DNAH1: variants seen among roughly 807,000 people sequenced by gnomAD.
The protein encoded by DNAH1 is axonemal beta dynein heavy chain 1.
Under a neutral mutation model 484.3 loss-of-function variants are expected in DNAH1, and 327 were observed. The observed-to-expected ratio is 0.68, with a 90% CI of 0.62 to 0.74. The LOEUF is 0.74. DNAH1 is among the 30% of genes least tolerant of loss of function. The probability of loss-of-function intolerance (pLI) is 0.00; values close to 1 mark genes in which losing one functional copy is unlikely to be tolerated. For synonymous variants in DNAH1, 2,192 were observed against 2,191.9 expected, an observed-to-expected ratio of 1.00 and a Z score of 0.00; for missense variants, 5,052 against 5,546.8, an observed-to-expected ratio of 0.91 and a Z score of 2.83.
At position 52,382,486 on chromosome 3, in the gene DNAH1, G is replaced by C; in HGVS notation, c.7941+31G>C. On this transcript the variant is annotated intron_variant, in intron 50 of 77. Coordinates refer to ENST00000420323, the MANE Select transcript of DNAH1 (RefSeq NM_015512.5). ...ACTGCCACAGCAGAGGGCAGGGCTC[G>C]GGGGGGCTGGACACAACCCCATCTG... 3 of 1,609,962 alleles carry C rather than the reference G, an allele frequency of 1.9e-6. No individual in the cohort carries two copies. The South Asian group carries it at 3.3e-5, about 18-fold the overall frequency.
rs1030567335 is a variant in DNAH1, at chr3:52,372,485, G to T, written c.6827+98G>T. The T allele has an allele frequency of 5.3e-6, 8 of 1,504,158 alleles. No individual in the cohort carries two copies. The Admixed American group carries it at 1.5e-4, about 29-fold the overall frequency. The allele number at this position is 1,504,158 out of a possible 1,614,324, so 93.2% of individuals were successfully genotyped here. ...TCCACCAAATTATGCTCCTGGGTTT[G>T]CCAGGAACCTCCCAGGGGGAGCTGA... On this transcript the variant is annotated intron_variant, in intron 43 of 77. Transcript: ENST00000420323.
Position 52,370,736 on chromosome 3 carries a change from G to C in DNAH1, c.6436G>C (p.Glu2146Gln), listed in dbSNP as rs946605027. The part of the protein sequence containing the change: ...ENEQLTLLFP[E>Q]EGLVFDYRLE... ...CCGGCAGCTGACTCTGCTTTTCCCA[G>C]AAGAGGGGCTGGTGTTCGATTACAG... The change falls in exon 41 of 78, where the codon GAA becomes CAA. Residue 2146 changes from glutamate to glutamine, a missense_variant. Around this residue, in one of 4 missense-constraint regions of DNAH1, gnomAD observed 2,929 missense variants for 3,409.4 expected, o/e 0.86. Coordinates refer to ENST00000420323, the MANE Select transcript of DNAH1 (RefSeq NM_015512.5). 5.6e-6 allele frequency: 9 copies of C among 1,604,800 alleles called. No homozygotes were observed. Among genetic ancestry groups the C allele is most frequent in the Non-Finnish European group, 6.8e-6 (8 of 1,176,082 alleles).
At position 52,368,038 on chromosome 3, in the gene DNAH1, G is replaced by A. The variant is rs961946778; in HGVS notation, c.5766-703G>A. Among the ~76,000 whole-genome samples the A allele has an allele frequency of 1.3e-5, 2 of 152,294 alleles. No homozygotes were observed. The highest frequency in any genetic ancestry group is 4.8e-5 in the African/African-American group (2 of 41,548). The stretch of plus-strand genomic sequence containing the variant: ...CAAGGGGCAGGGTGAGCATCAGTGG[G>A]TGGAAAATCCAGAGGAAACATCAGT... On this transcript the variant is annotated intron_variant, in intron 36 of 77. Coordinates refer to ENST00000420323, the MANE Select transcript of DNAH1 (RefSeq NM_015512.5). The surrounding 1 kb of genome is among the most constrained non-coding windows in gnomAD (Gnocchi z 4.4).
Position 52,353,037 on chromosome 3 carries a change from G to A in DNAH1, c.3028-66G>A, listed in dbSNP as rs1702458978. 20 of 1,495,532 alleles carry A rather than the reference G, an allele frequency of 1.3e-5. No individual in the cohort carries two copies. Among genetic ancestry groups the A allele is most frequent in the Admixed American group, 4.0e-5 (2 of 50,582 alleles). The allele number at this position is 1,495,532 out of a possible 1,614,324, so 92.6% of individuals were successfully genotyped here. On this transcript the variant is annotated intron_variant, in intron 18 of 77. Transcript: ENST00000420323. The surrounding 1 kb of genome is among the most constrained non-coding windows in gnomAD (Gnocchi z 5.0). Reference sequence around the variant, plus strand: ...AGGGAGAGGACCTGGCCCAAGAAGGGGCAACATGGAGAGAGACTGGGAAGT... The same window carrying A: ...AGGGAGAGGACCTGGCCCAAGAAGGAGCAACATGGAGAGAGACTGGGAAGT...
intron 37 of DNAH1, among the ~76,000 whole-genome samples, chr3:52,369,178 T>C (rs1354856072): frequency 1.3e-5 from 2 of 152,150 alleles, no homozygotes; most frequent in African/African-American, 4.8e-5. Flanking sequence ...CTCTTTCTTT[T>C]GTGCTCGAGC....
At chr3:52,342,290 G>A (rs1300498457) in intron 8 of DNAH1, among the ~76,000 whole-genome samples, 1 of 152,280 alleles carries the variant, frequency 6.6e-6, no homozygotes. Flanking sequence ...GACAGTCTGT[G>A]CAGGCCATGG....
chr3:52,354,506 G>A (rs1702526628), intron 20 of DNAH1, among the ~76,000 whole-genome samples: 1 of 152,186 alleles, frequency 6.6e-6, no homozygotes, highest in African/African-American at 2.4e-5. Flanking sequence ...GGTGGCACAT[G>A]CCTGTAATCC....
chr3:52,389,645 C>T, intron 60 of DNAH1, 59 bp downstream of exon 60: 2 of 1,290,418 alleles, frequency 1.5e-6, no homozygotes, highest in Non-Finnish European at 2.0e-6. Context: ...CCAGGCTGGG[C>T]CAGGAGCCTT....
chr3:52,354,892 T>G lies in DNAH1; in HGVS notation c.3530T>G (p.Leu1177Arg), dbSNP rs1323414213. The G allele has an allele frequency of 6.2e-7, 1 of 1,613,966 alleles. No individual in the cohort carries two copies. The highest frequency in any genetic ancestry group is 1.1e-5 in the South Asian group (1 of 91,080). The change falls in exon 21 of 78, where the codon CTG becomes CGG. Residue 1177 changes from leucine to arginine, a missense_variant. By Grantham distance (102) the Leu-to-Arg change is moderately radical. Coordinates refer to ENST00000420323, the MANE Select transcript of DNAH1 (RefSeq NM_015512.5). ...TGGTCGACCATCCTGTTCAATGTACTGCCCTACAAGGCGACAGACACCTAC... is the reference window on the plus strand; with the variant it reads ...TGGTCGACCATCCTGTTCAATGTACGGCCCTACAAGGCGACAGACACCTAC... ...KEWSTILFNV[L>R]PYKATDTYIL...
rs775782905 is a variant in DNAH1, at chr3:52,375,278, G to A, written c.7024G>A (p.Ala2342Thr). 1.2e-6 allele frequency: 2 copies of A among 1,611,030 alleles called. No individual in the cohort carries two copies. The highest frequency in any genetic ancestry group is 1.7e-6 in the Non-Finnish European group (2 of 1,178,720). ...KNLVDINFVC[A>T]MGPPGGGRNT... ...CCTAGTGGACATCAACTTTGTCTGT[G>A]CCATGGGCCCCCCGGGTGGAGGCAG... The change falls in exon 45 of 78, where the codon GCC becomes ACC. Residue 2342 changes from alanine to threonine, a missense_variant. Coordinates refer to ENST00000420323, the MANE Select transcript of DNAH1 (RefSeq NM_015512.5).
chr3:52,372,532 G>T (rs1310630444), intron 43 of DNAH1, 145 bp downstream of exon 43: 1 of 1,187,600 alleles, frequency 8.4e-7, no homozygotes, highest in African/African-American at 1.5e-5. Flanking sequence ...TGGGCCCAGG[G>T]TTCCCTCACA....
At chr3:52,390,002 C>T (rs1309497463) in intron 60 of DNAH1, among the ~76,000 whole-genome samples, 17 of 152,196 alleles carry the variant, frequency 1.1e-4, no homozygotes, top group Non-Finnish European at 4.4e-5. Context: ...AGCCTGTAAT[C>T]CCAGCTACTC....
At chr3:52,382,492 G>A in intron 50 of DNAH1, 37 bp downstream of exon 50, 1 of 1,609,964 alleles carries the variant, frequency 6.2e-7, no homozygotes, top group Middle Eastern at 1.7e-4. Flanking sequence ...GCTCGGGGGG[G>A]CTGGACACAA....
intron 8 of DNAH1, among the ~76,000 whole-genome samples, chr3:52,339,913 TTCTTTTCCCTTATCCTCC>T (rs1701873574): frequency 6.6e-6 from 1 of 152,054 alleles, no homozygotes; most frequent in Non-Finnish European, 1.5e-5. Flanking sequence ...TCACTTTTGC[TTCTTTTCCCTTATCCTCC>T]AGTCTACAAA....
intron 7 of DNAH1, among the ~76,000 whole-genome samples, chr3:52,331,554 G>T (rs1474873945): frequency 2.0e-5 from 3 of 152,044 alleles, no homozygotes; most frequent in Non-Finnish European, 4.4e-5. Flanking sequence ...CCTGCCCTGG[G>T]TGTGGGATCA....
rs984861441 is a variant in DNAH1 at position 52,394,597 on chromosome 3, T to A, written c.10759T>A (p.Ser3587Thr). ...LSNLPTFSSF[S>T]SDFVKHLSEF... ...GAACCTGCCAACCTTTTCCTCCTTCTCTTCCGACTTCGTGAAGCACCTCTC... is the reference window on the plus strand; with the variant it reads ...GAACCTGCCAACCTTTTCCTCCTTCACTTCCGACTTCGTGAAGCACCTCTC... Residue 3587 changes from serine (S) to threonine (T), a missense_variant, in exon 67 of 78, where the codon TCT becomes ACT. By Grantham distance (58) the Ser-to-Thr change is moderately conservative. This residue lies in a region of DNAH1 where 853 missense variants were observed against 899.0 expected (regional missense o/e 0.95). Transcript: ENST00000420323. 5.0e-6 allele frequency: 8 copies of A among 1,607,166 alleles called. No homozygotes were observed. The highest frequency in any genetic ancestry group is 1.3e-5 in the African/African-American group (1 of 74,828).
In DNAH1 at chr3:52,349,058, CAAT is replaced by C. The variant is rs774882237; in HGVS notation, c.2278_2280del (p.Asn760del). 36 of 1,612,878 alleles carry C rather than the reference CAAT, an allele frequency of 2.2e-5. No individual in the cohort carries two copies. The highest frequency in any genetic ancestry group is 2.7e-5 in the African/African-American group (2 of 74,944). On this transcript the variant is annotated inframe_deletion, in exon 13 of 78. Coordinates refer to ENST00000420323, the MANE Select transcript of DNAH1 (RefSeq NM_015512.5). ...ACCGAAAGTACCTGGAGCTGAACAA[CAAT>C]GACATTGCCTCCTTTCTCAAGTGCG...
chr3:52,390,974 G>A lies in DNAH1; in HGVS notation c.9661G>A (p.Gly3221Arg), dbSNP rs888270026. ...LPNDTLSVENGVINQFSQRWT... is the reference protein window; with the variant it reads ...LPNDTLSVENRVINQFSQRWT... The stretch of plus-strand genomic sequence containing the variant: ...CAACGACACACTGTCAGTGGAGAAC[G>A]GGGTCATCAACCAGTTTTCCCAGCG... The change falls in exon 61 of 78, where the codon GGG (glycine) becomes AGG (arginine). Residue 3221 changes from glycine to arginine, a missense_variant. By Grantham distance (125) the Gly-to-Arg change is moderately radical (BLOSUM62 -2). Coordinates refer to ENST00000420323, the MANE Select transcript of DNAH1 (RefSeq NM_015512.5). The A allele has an allele frequency of 8.4e-6, 13 of 1,552,534 alleles. No homozygotes were observed. The East Asian group carries it at 2.2e-4, about 26-fold the overall frequency.
rs1009882165 is a variant in DNAH1 at position 52,367,609 on chromosome 3, T to C, written c.5765+722T>C. The stretch of plus-strand genomic sequence containing the variant: ...TTTTTTTTGAGACGAAGTTTCGCTC[T>C]TGTTGCCCAGGCTGGAGTGCAGTGG... On this transcript the variant is annotated intron_variant, in intron 36 of 77. Transcript: ENST00000420323. 1.1e-4 allele frequency among the ~76,000 whole-genome samples: 16 copies of C among 152,054 alleles called. 1 individual carries two copies. The highest frequency in any genetic ancestry group is 1.0e-3 in the Admixed American group (16 of 15,278).
Sources: gnomAD v4.1 joint callset for allele counts (sites outside exome capture counted in the v4.1 genomes callset) on GRCh38, gnomAD v4.1.1 for gene constraint, gnomAD v4.1.1 regional missense constraint, Gnocchi (gnomAD v3.1) non-coding constraint, MANE v1.5 for transcripts, NCBI Gene and HGNC (gene_info 2026-07-23, HGNC 2026-07-21) for gene names.